The following OTUD7A variants were observed in gnomAD, a reference collection of about 807,000 sequenced individuals.
OTUD7A encodes the protein OTU domain-containing protein 7A.
OTUD7A carries 12 observed loss-of-function variants against 65.7 expected under a neutral mutation model. That is an observed-to-expected ratio of 0.18 (90% CI 0.12 to 0.30). The LOEUF (loss-of-function observed/expected upper bound fraction) is 0.30. OTUD7A is among the 10% of genes least tolerant of loss of function. The probability of loss-of-function intolerance (pLI) is 1.00; values close to 1 mark genes in which losing one functional copy is unlikely to be tolerated. For missense variants in OTUD7A, 1,148 were observed against 1,304.8 expected (o/e 0.88, Z 1.85); for synonymous variants, 641 against 586.3 (o/e 1.09, Z -1.35).
chr15:31,709,111 C>A (rs955840272), intron 1 of OTUD7A, among the ~76,000 whole-genome samples: 1 of 151,480 alleles, frequency 6.6e-6, no homozygotes, highest in Non-Finnish European at 1.5e-5. Flanking sequence ...ACTCCCAGGT[C>A]GTGCCCAGGA....
Position 31,570,442 on chromosome 15 carries a change from TACACACACACAC to T in OTUD7A, c.152-257_152-246del, listed in dbSNP as rs57517466. On this transcript the variant is annotated intron_variant, in intron 3 of 12. Coordinates refer to ENST00000307050, the MANE Select transcript of OTUD7A (RefSeq NM_001382637.1). ...TACAGTCTCAGAGCCTTTAGGTTCA[TACACACACACAC>T]ACACACACACACACACACACACACA... 8.1e-3 allele frequency among the ~76,000 whole-genome samples: 1,158 copies of T among 143,280 alleles called. 19 individuals carry two copies. The highest frequency in any genetic ancestry group is 0.027 in the African/African-American group (1,021 of 38,388). 94.0% of individuals were successfully genotyped at this position (143,280 alleles called of 152,430 possible). A position where few individuals can be genotyped will look rare whatever the true frequency, so the allele number is the denominator to read the frequency against.
At chr15:31,778,727 G>T (rs1453939313) in intron 1 of OTUD7A, among the ~76,000 whole-genome samples, 4 of 151,754 alleles carry the variant, frequency 2.6e-5, no homozygotes, top group South Asian at 4.1e-4. Flanking sequence ...CAAGATGTGT[G>T]TGTCTCTCTC....
intron 3 of OTUD7A, among the ~76,000 whole-genome samples, chr15:31,630,040 C>A (rs1475896207): frequency 4.7e-5 from 7 of 149,840 alleles, no homozygotes; most frequent in Admixed American, 4.0e-4. Context: ...TTCAAAAAAC[C>A]AGCTCCTGGA....
chr15:31,812,765 T>C (rs548759026), intron 1 of OTUD7A, among the ~76,000 whole-genome samples: 2 of 152,298 alleles, frequency 1.3e-5, no homozygotes, highest in South Asian at 4.1e-4. Flanking sequence ...ATGGTATAAC[T>C]GCCAAGTGTG....
chr15:31,825,588 G>C (rs557979404), intron 1 of OTUD7A, among the ~76,000 whole-genome samples: 1 of 152,202 alleles, frequency 6.6e-6, no homozygotes, highest in South Asian at 2.1e-4. Context: ...CCTGGGCCCT[G>C]CCAAATCTCA....
chr15:31,592,815 G>A (rs1432321609), intron 3 of OTUD7A, among the ~76,000 whole-genome samples: 29 of 138,198 alleles, frequency 2.1e-4, no homozygotes, highest in African/African-American at 7.6e-4. Context: ...AGGAGGCGGC[G>A]CTTGCAGTGA....
intron 1 of OTUD7A, among the ~76,000 whole-genome samples, chr15:31,858,409 G>A (rs1229344746): frequency 6.6e-6 from 1 of 152,188 alleles, no homozygotes; most frequent in African/African-American, 2.4e-5. Flanking sequence ...ATTCCAGACA[G>A]AGAAAATTGG....
chr15:31,536,100 CAG>C (rs915555211), intron 5 of OTUD7A, among the ~76,000 whole-genome samples: 2 of 152,132 alleles, frequency 1.3e-5, no homozygotes, highest in Admixed American at 6.5e-5. Flanking sequence ...ATACAGGAAA[CAG>C]GAGGGAAATG....
At chr15:31,723,870 T>C (rs1204360031) in intron 1 of OTUD7A, among the ~76,000 whole-genome samples, 1 of 80,272 alleles carries the variant, frequency 1.2e-5, no homozygotes, top group African/African-American at 5.1e-5. Flanking sequence ...AAGGACCATA[T>C]ACCAAGTAAC....
intron 1 of OTUD7A, among the ~76,000 whole-genome samples, chr15:31,753,241 C>A (rs1894687086): frequency 6.6e-6 from 1 of 150,958 alleles, no homozygotes; most frequent in Admixed American, 6.6e-5. Flanking sequence ...TTTTTTTAAG[C>A]AAACTCCCAA....
intron 3 of OTUD7A, among the ~76,000 whole-genome samples, chr15:31,586,787 A>G (rs763572750): frequency 2.6e-5 from 4 of 151,814 alleles, no homozygotes; most frequent in Non-Finnish European, 4.4e-5. Context: ...TCCCTTAGCC[A>G]TGTTCTTCTT....
At chr15:31,636,187 C>T (rs1891337402) in intron 3 of OTUD7A, among the ~76,000 whole-genome samples, 1 of 152,132 alleles carries the variant, frequency 6.6e-6, no homozygotes, top group Non-Finnish European at 1.5e-5. Context: ...TTGTGGCAAC[C>T]CTGTGCTGAG....
chr15:31,586,867 G>C (rs2141191653), intron 3 of OTUD7A, among the ~76,000 whole-genome samples: 1 of 152,016 alleles, frequency 6.6e-6, no homozygotes, highest in Middle Eastern at 3.4e-3. Context: ...CTCCCCTGCT[G>C]GGTCCTCCTC....
intron 1 of OTUD7A, among the ~76,000 whole-genome samples, chr15:31,670,961 C>T (rs1450684680): frequency 1.3e-5 from 2 of 151,888 alleles, no homozygotes. Context: ...CACCACTGCA[C>T]TCCAGCCTGG....
At chr15:31,635,309 C>A (rs1278875109) in intron 3 of OTUD7A, among the ~76,000 whole-genome samples, 1 of 152,212 alleles carries the variant, frequency 6.6e-6, no homozygotes, top group East Asian at 1.9e-4. Context: ...CTACAGGTCA[C>A]CTTGCTCACT....
chr15:31,664,749 G>A (rs1202266914), intron 1 of OTUD7A, among the ~76,000 whole-genome samples: 1 of 152,132 alleles, frequency 6.6e-6, no homozygotes, highest in African/African-American at 2.4e-5. Context: ...ATGTCTACAA[G>A]GGGTTTTCCA....
Position 31,808,127 on chromosome 15 carries a change from AC to A in OTUD7A, c.-100+62379del, listed in dbSNP as rs1182188019. 3.3e-3 allele frequency among the ~76,000 whole-genome samples: 375 copies of A among 113,868 alleles called. 3 individuals carry two copies. The highest frequency in any genetic ancestry group is 0.033 in the Middle Eastern group (7 of 214). The allele number at this position is 113,868 out of a possible 152,430, so 74.7% of individuals were successfully genotyped here. A position where few individuals can be genotyped will look rare whatever the true frequency, so the allele number is the denominator to read the frequency against. On this transcript the variant is annotated intron_variant, in intron 1 of 12. Coordinates refer to ENST00000307050, the MANE Select transcript of OTUD7A (RefSeq NM_001382637.1). ...CACACACACACACACACACACACAC[AC>A]ACACACACAAACAAATCCTCACCAG... is the stretch of plus-strand genomic sequence containing the variant.
At chr15:31,708,572 C>G (rs1019731775) in intron 1 of OTUD7A, among the ~76,000 whole-genome samples, 1 of 148,542 alleles carries the variant, frequency 6.7e-6, no homozygotes, top group African/African-American at 2.5e-5. Flanking sequence ...TGCAGCCCTC[C>G]TCTTTAAGAC....
chr15:31,563,718 C>A (rs1192982808), intron 4 of OTUD7A, among the ~76,000 whole-genome samples: 1 of 152,198 alleles, frequency 6.6e-6, no homozygotes, highest in Non-Finnish European at 1.5e-5. Context: ...GGCGGTTACA[C>A]CAGAGCAGGG....
Sources: allele counts gnomAD v4.1 joint callset (sites outside exome capture counted in the v4.1 genomes callset), GRCh38; gene constraint gnomAD v4.1.1; transcripts MANE v1.5; gene names NCBI Gene and HGNC (gene_info 2026-07-23, HGNC 2026-07-21).